The following VPS13B variants were observed in gnomAD, a reference collection of about 807,000 sequenced individuals.
The protein encoded by VPS13B is vacuolar protein sorting 13 homolog B, also known as intermembrane lipid transfer protein VPS13B.
VPS13B carries 285 observed loss-of-function variants against 426.4 expected under a neutral mutation model. The observed-to-expected ratio is 0.67, with a 90% CI of 0.61 to 0.74. The LOEUF (loss-of-function observed/expected upper bound fraction) is 0.74. VPS13B is among the 30% of genes least tolerant of loss of function. VPS13B has a pLI of 0.00. For missense variants in VPS13B, 4,537 were observed against 4,782.6 expected (o/e 0.95, Z 1.51); for synonymous variants, 1,676 against 1,676.4 (o/e 1.00, Z 0.01).
chr8:99,811,280 A>G (rs942711906), intron 44 of VPS13B, among the ~76,000 whole-genome samples: 2 of 152,172 alleles, frequency 1.3e-5, no homozygotes, highest in African/African-American at 4.8e-5. Context: ...CCCTAGAACT[A>G]TGAGGCATAT....
intron 33 of VPS13B, among the ~76,000 whole-genome samples, chr8:99,581,031 A>ACACACACACAC (rs1826032379): frequency 2.0e-5 from 3 of 148,176 alleles, no homozygotes; most frequent in Admixed American, 6.7e-5. Context: ...ACACACACAC[A>ACACACACACAC]AATTAGGCAG....
intron 39 of VPS13B, among the ~76,000 whole-genome samples, chr8:99,726,886 T>G (rs1368762858): frequency 6.6e-6 from 1 of 152,122 alleles, no homozygotes; most frequent in Non-Finnish European, 1.5e-5. Flanking sequence ...ATGAAGTATT[T>G]TATTATAGCA....
chr8:99,250,664 C>CTTTTTTTTTTTTTTTTTTTT lies in VPS13B; in HGVS notation c.2516-23515_2516-23496dup, dbSNP rs60698750. On this transcript the variant is annotated intron_variant, in intron 17 of 61. Transcript: ENST00000357162. ...CTGTCCACTAATCCGTGTGTTTATT[C>CTTTTTTTTTTTTTTTTTTTT]TTTTTTTTTTTTTTTTTTTTTTTTT... Among the ~76,000 whole-genome samples the CTTTTTTTTTTTTTTTTTTTT allele has an allele frequency of 5.6e-5, 2 of 35,806 alleles. 1 individual carries two copies. The highest frequency in any genetic ancestry group is 9.3e-5 in the Non-Finnish European group (2 of 21,420). The allele number at this position is 35,806 out of a possible 152,430, so 23.5% of individuals were successfully genotyped here. A position where few individuals can be genotyped will look rare whatever the true frequency, so the allele number is the denominator to read the frequency against.
rs1479910766 is a variant in VPS13B, at chr8:99,760,592, T to C, written c.7051-6182T>C. Among the ~76,000 whole-genome samples, 2 of 152,204 alleles carry C rather than the reference T, an allele frequency of 1.3e-5. 1 individual carries two copies. The highest frequency in any genetic ancestry group is 6.3e-3 in the Middle Eastern group (2 of 316). ...AATAAGATAATGTAAAGATGATGTCTACATGCTTTTAAAAGTAAATTTATG... is the reference window on the plus strand; with the variant it reads ...AATAAGATAATGTAAAGATGATGTCCACATGCTTTTAAAAGTAAATTTATG... On this transcript the variant is annotated intron_variant, in intron 39 of 61. Transcript: ENST00000357162.
intron 43 of VPS13B, among the ~76,000 whole-genome samples, chr8:99,796,030 G>A (rs368705649): frequency 9.8e-5 from 15 of 152,294 alleles, no homozygotes; most frequent in South Asian, 2.1e-4. Context: ...CAGAATTTGC[G>A]AGTTGGGCTG....
chr8:99,190,661 A>G (rs1813513375), intron 16 of VPS13B, among the ~76,000 whole-genome samples: 1 of 152,144 alleles, frequency 6.6e-6, no homozygotes, highest in Admixed American at 6.5e-5. Flanking sequence ...AAATAATGTT[A>G]TACTGTGTCA....
intron 19 of VPS13B, among the ~76,000 whole-genome samples, chr8:99,278,821 C>T (rs553843721): frequency 1.1e-4 from 17 of 152,362 alleles, no homozygotes; most frequent in Admixed American, 5.2e-4. Flanking sequence ...ATTCCCTTTA[C>T]ACTTTTCCCA....
intron 19 of VPS13B, chr8:99,341,246 A>G (rs978142441): frequency 5.8e-6 from 1 of 172,746 alleles, no homozygotes; most frequent in African/African-American, 2.4e-5. Context: ...GGACTCCAAA[A>G]TCATTATGAT....
At chr8:99,850,363 G>A (rs908467635) in intron 55 of VPS13B, among the ~76,000 whole-genome samples, 1 of 148,152 alleles carries the variant, frequency 6.7e-6, no homozygotes, top group African/African-American at 2.6e-5. Flanking sequence ...ACATAAGTAC[G>A]CATGTATGTA....
At chr8:99,789,855 C>T (rs747730279) in intron 43 of VPS13B, among the ~76,000 whole-genome samples, 2 of 151,988 alleles carry the variant, frequency 1.3e-5, no homozygotes, top group Non-Finnish European at 2.9e-5. Context: ...ATGCACAAAA[C>T]ATACTGGAAA....
At chr8:99,799,501 A>G (rs1813019134) in intron 43 of VPS13B, among the ~76,000 whole-genome samples, 1 of 152,242 alleles carries the variant, frequency 6.6e-6, no homozygotes, top group Non-Finnish European at 1.5e-5. Context: ...GCCATGAAAT[A>G]CTTTATTTAA....
rs1350775653 is a variant in VPS13B, at chr8:99,289,066, A to AATGAAG, written c.2824+13812_2824+13813insATGAAG. 1.3e-4 allele frequency among the ~76,000 whole-genome samples: 6 copies of AATGAAG among 45,632 alleles called. No homozygotes were observed. In the South Asian group the frequency reaches 3.2e-3, roughly 25 times the overall value. 29.9% of individuals were successfully genotyped at this position (45,632 alleles called of 152,430 possible). A position where few individuals can be genotyped will look rare whatever the true frequency, so the allele number is the denominator to read the frequency against. ...ATGAATGAATGAATGAATGAATGAA[A>AATGAAG]GAAGGAAGGAAGGAAGGAAAGAAAG... On this transcript the variant is annotated intron_variant, in intron 19 of 61. Coordinates refer to ENST00000357162, the MANE Select transcript of VPS13B (RefSeq NM_152564.5).
chr8:99,015,304 TC>T (rs1841555050), intron 2 of VPS13B, among the ~76,000 whole-genome samples: 1 of 147,762 alleles, frequency 6.8e-6, no homozygotes, highest in Non-Finnish European at 1.5e-5. Context: ...GCAAGCTCCA[TC>T]TCCCGGGTTC....
intron 54 of VPS13B, 129 bp from the exon 55 acceptor site, chr8:99,848,647 A>G: frequency 3.4e-6 from 3 of 887,352 alleles, no homozygotes; most frequent in Non-Finnish European, 5.7e-6. Context: ...GCCCGTACAC[A>G]TGGATATAAA....
At chr8:99,379,920 C>G (rs561547034) in intron 19 of VPS13B, among the ~76,000 whole-genome samples, 1 of 152,046 alleles carries the variant, frequency 6.6e-6, no homozygotes, top group South Asian at 2.1e-4. Context: ...TCTTTTAACC[C>G]TTGAGATTGA....
At chr8:99,085,418 T>C (rs1845722895) in intron 3 of VPS13B, among the ~76,000 whole-genome samples, 1 of 152,228 alleles carries the variant, frequency 6.6e-6, no homozygotes, top group African/African-American at 2.4e-5. Flanking sequence ...GATTTGCCAG[T>C]CTGTGTCTTT....
chr8:99,089,453 T>C (rs1201220977), intron 3 of VPS13B, among the ~76,000 whole-genome samples: 1 of 152,186 alleles, frequency 6.6e-6, no homozygotes, highest in Admixed American at 6.5e-5. Flanking sequence ...GTTTTGTGCA[T>C]TTTATGGAGA....
intron 19 of VPS13B, among the ~76,000 whole-genome samples, chr8:99,338,554 G>A (rs780872564): frequency 2.0e-5 from 3 of 152,110 alleles, no homozygotes; most frequent in Non-Finnish European, 4.4e-5. Flanking sequence ...TGATTCACAT[G>A]TTAAAGCCTC....
intron 14 of VPS13B, among the ~76,000 whole-genome samples, chr8:99,153,339 C>A (rs943215526): frequency 6.6e-6 from 1 of 152,120 alleles, no homozygotes; most frequent in Non-Finnish European, 1.5e-5. Flanking sequence ...AACCATACTT[C>A]TTGCTATTTT....
Sources: allele counts gnomAD v4.1 joint callset (sites outside exome capture counted in the v4.1 genomes callset), GRCh38; gene constraint gnomAD v4.1.1; transcripts MANE v1.5; gene names NCBI Gene and HGNC (gene_info 2026-07-23, HGNC 2026-07-21).